The following PRDM5 variants were observed in gnomAD, a reference collection of about 807,000 sequenced individuals.
PRDM5 encodes the protein PR/SET domain 5.
In PRDM5, 56 loss-of-function variants were observed where a neutral mutation model predicts 81.2. That is an observed-to-expected ratio of 0.69 (90% CI 0.56 to 0.86). The LOEUF is 0.86. Among genes scored for constraint, PRDM5 ranks in the 40% least tolerant of loss-of-function variants. PRDM5 has a pLI of 0.00. For synonymous variants in PRDM5, 267 were observed against 256.4 expected (o/e 1.04, Z -0.39); for missense variants, 697 against 770.1 (o/e 0.91, Z 1.12).
intron 2 of PRDM5, among the ~76,000 whole-genome samples, chr4:120,854,331 C>T (rs1265693330): frequency 6.6e-6 from 1 of 152,064 alleles, no homozygotes. Flanking sequence ...AACTTATATA[C>T]CAATCACCAT....
intron 2 of PRDM5, among the ~76,000 whole-genome samples, chr4:120,874,341 A>G (rs1236242120): frequency 6.6e-6 from 1 of 152,214 alleles, no homozygotes; most frequent in Non-Finnish European, 1.5e-5. Flanking sequence ...TCACACATTA[A>G]CAGAGCATGC....
At chr4:120,871,856 T>C (rs2148541829) in intron 2 of PRDM5, among the ~76,000 whole-genome samples, 1 of 151,848 alleles carries the variant, frequency 6.6e-6, no homozygotes, top group African/African-American at 2.4e-5. Context: ...GTGCAACTGC[T>C]ATTGAAACAG....
chr4:120,732,507 C>A (rs1214913606), intron 14 of PRDM5, among the ~76,000 whole-genome samples: 1 of 152,014 alleles, frequency 6.6e-6, no homozygotes, highest in Non-Finnish European at 1.5e-5. Context: ...ATTTTATATT[C>A]ATTGTAACTT....
chr4:120,905,739 GATAC>G, intron 2 of PRDM5, among the ~76,000 whole-genome samples: 1 of 152,114 alleles, frequency 6.6e-6, no homozygotes, highest in South Asian at 2.1e-4. Context: ...GACCCTTACT[GATAC>G]ATGCAAGAGA....
At chr4:120,691,198 A>C (rs1300232312), downstream of PRDM5, among the ~76,000 whole-genome samples, 1 of 152,126 alleles carries the variant, frequency 6.6e-6, no homozygotes, top group East Asian at 1.9e-4. Context: ...GTTACATTCC[A>C]GACTATTTCC....
chr4:120,880,042 T>C (rs552042797), intron 2 of PRDM5, among the ~76,000 whole-genome samples: 7 of 152,286 alleles, frequency 4.6e-5, no homozygotes, highest in African/African-American at 1.7e-4. Context: ...GTATCAATAT[T>C]GGTTCATCAA....
At chr4:120,907,164 G>A (rs553674936) in intron 2 of PRDM5, among the ~76,000 whole-genome samples, 16 of 151,766 alleles carry the variant, frequency 1.1e-4, no homozygotes, top group South Asian at 4.2e-4. Flanking sequence ...GCAAAACCCC[G>A]TCTCAACTAA....
At chr4:120,864,819 T>G (rs1412492178) in intron 2 of PRDM5, among the ~76,000 whole-genome samples, 1 of 152,180 alleles carries the variant, frequency 6.6e-6, no homozygotes, top group Non-Finnish European at 1.5e-5. Context: ...AACAATTAAA[T>G]GGGAACAGAA....
intron 10 of PRDM5, among the ~76,000 whole-genome samples, chr4:120,796,658 G>A (rs1185864938): frequency 6.6e-6 from 1 of 152,040 alleles, no homozygotes; most frequent in East Asian, 1.9e-4. Context: ...ACATAAAGAT[G>A]GTAAGGAAGA....
chr4:120,740,943 G>A (rs1456530566), intron 14 of PRDM5, among the ~76,000 whole-genome samples: 1 of 152,136 alleles, frequency 6.6e-6, no homozygotes, highest in Non-Finnish European at 1.5e-5. Context: ...CAGTGGACAG[G>A]CCACCCTTAC....
At chr4:120,756,719 T>A (rs1384562752) in intron 13 of PRDM5, among the ~76,000 whole-genome samples, 1 of 152,210 alleles carries the variant, frequency 6.6e-6, no homozygotes, top group Non-Finnish European at 1.5e-5. Flanking sequence ...TTCTTCTTCA[T>A]AAAGTATAAA....
intron 3 of PRDM5, among the ~76,000 whole-genome samples, chr4:120,831,528 G>T (rs1756711783): frequency 6.6e-6 from 1 of 152,002 alleles, no homozygotes. Flanking sequence ...AAATTCAATT[G>T]TTTCTAAGAA....
At chr4:120,843,528 C>T (rs1157508352) in intron 3 of PRDM5, among the ~76,000 whole-genome samples, 5 of 151,946 alleles carry the variant, frequency 3.3e-5, no homozygotes, top group African/African-American at 1.2e-4. Context: ...CAATGCAAGA[C>T]CCCATCTCTA....
At chr4:120,891,716 G>A (rs1464352693) in intron 2 of PRDM5, among the ~76,000 whole-genome samples, 7 of 152,066 alleles carry the variant, frequency 4.6e-5, no homozygotes, top group African/African-American at 9.6e-5. Context: ...CGCAACCTCC[G>A]CCTTCTGGGT....
At chr4:120,829,316 C>T (rs1203456571) in intron 3 of PRDM5, among the ~76,000 whole-genome samples, 2 of 152,104 alleles carry the variant, frequency 1.3e-5, no homozygotes, top group South Asian at 2.1e-4. Context: ...TCTATCACTA[C>T]ACAGAAACAT....
intron 14 of PRDM5, among the ~76,000 whole-genome samples, chr4:120,741,070 C>T (rs1741858821): frequency 6.6e-6 from 1 of 152,104 alleles, no homozygotes; most frequent in Non-Finnish European, 1.5e-5. Context: ...CTGGAATCCA[C>T]CAGCCCTCCC....
intron 3 of PRDM5, among the ~76,000 whole-genome samples, chr4:120,849,027 A>T (rs550856837): frequency 6.6e-6 from 1 of 152,254 alleles, no homozygotes; most frequent in South Asian, 2.1e-4. Context: ...ATCTGGTAAG[A>T]AAAAACAGAA....
At position 120,821,344 on chromosome 4, in the gene PRDM5, T is replaced by C; in HGVS notation, c.302A>G (p.Glu101Gly). The C allele has an allele frequency of 6.2e-7, 1 of 1,613,422 alleles. No individual in the cohort carries two copies. Among genetic ancestry groups the C allele is most frequent in the Admixed American group, 1.7e-5 (1 of 59,940 alleles). The change falls in exon 4 of 16, where the codon GAA becomes GGA. Residue 101 changes from glutamate (E) to glycine (G), a missense_variant and splice_region_variant. Physicochemically the swap from Glu to Gly is moderately conservative, Grantham distance 98. Around this residue, in one of 3 missense-constraint regions of PRDM5, gnomAD observed 577 missense variants for 606.7 expected, o/e 0.95. Transcript: ENST00000264808. ...QEQKNLAAIQEGENIFYLAVE... is the reference protein window; with the variant it reads ...QEQKNLAAIQGGENIFYLAVE... Reference sequence around the variant, plus strand: ...TGCCAAATAGAAAATGTTTTCTCCTTCCTGAAACAAATTTTTTTAAATGCT... The same window carrying C: ...TGCCAAATAGAAAATGTTTTCTCCTCCCTGAAACAAATTTTTTTAAATGCT...
At position 120,716,217 on chromosome 4, in the gene PRDM5, C is replaced by G. The variant is rs534920696; in HGVS notation, c.1624-5804G>C. 8.4e-4 allele frequency among the ~76,000 whole-genome samples: 128 copies of G among 152,256 alleles called. 1 individual carries two copies. Among genetic ancestry groups the G allele is most frequent in the Non-Finnish European group, 3.2e-4 (22 of 68,012 alleles). On this transcript the variant is annotated intron_variant, in intron 14 of 15. Transcript: ENST00000264808. ...TTTAATATACTTCACTTACAAATGT[C>G]GTTGAAATTATATTACCTTTCCTTA...
Sources: allele counts gnomAD v4.1 joint callset (sites outside exome capture counted in the v4.1 genomes callset), GRCh38; gene constraint gnomAD v4.1.1; regional missense constraint gnomAD v4.1.1; transcripts MANE v1.5; gene names NCBI Gene and HGNC (gene_info 2026-07-23, HGNC 2026-07-21).